ADAM22: variants seen among roughly 807,000 people sequenced by gnomAD.
ADAM22 encodes the protein ADAM metallopeptidase domain 22, also known as disintegrin and metalloproteinase domain-containing protein 22.
ADAM22 carries 65 observed loss-of-function variants against 144.6 expected under a neutral mutation model. That is an observed-to-expected ratio of 0.45 (90% CI 0.37 to 0.55). The LOEUF is 0.55. Among genes scored for constraint, ADAM22 ranks in the 20% least tolerant of loss-of-function variants. The pLI, the probability that ADAM22 is intolerant of heterozygous loss-of-function variation, is 0.00. For synonymous variants in ADAM22, 391 were observed against 412.6 expected, an observed-to-expected ratio of 0.95 and a Z score of 0.63; for missense variants, 974 against 1,184.9, an observed-to-expected ratio of 0.82 and a Z score of 2.61.
chr7:87,955,686 G>A (rs1360430129), intron 2 of ADAM22, among the ~76,000 whole-genome samples: 1 of 152,228 alleles, frequency 6.6e-6, no homozygotes, highest in Non-Finnish European at 1.5e-5. Flanking sequence ...ATTTAAGTCT[G>A]CAGAGGTTAC....
chr7:88,039,621 G>GTC (rs1554420752), intron 3 of ADAM22, among the ~76,000 whole-genome samples: 12 of 150,074 alleles, frequency 8.0e-5, no homozygotes, highest in Non-Finnish European at 1.8e-4. Context: ...ATGTGTGTGT[G>GTC]TGTGTGTCTG....
At position 88,062,534 on chromosome 7, in the gene ADAM22, A is replaced by G. The variant is rs111736665; in HGVS notation, c.324-13092A>G. On this transcript the variant is annotated intron_variant, in intron 3 of 31. Transcript: ENST00000413139. ...GGTTTGATCTTCTATCTAGACCACT[A>G]AAACTTTCTTCATATCAGCAATAAG... Among the ~76,000 whole-genome samples, 730 of 152,352 alleles carry G rather than the reference A, an allele frequency of 4.8e-3. 6 individuals are homozygous for G. The highest frequency in any genetic ancestry group is 0.017 in the African/African-American group (694 of 41,574).
chr7:87,943,099 A>G (rs924836927), intron 2 of ADAM22, among the ~76,000 whole-genome samples: 8 of 150,194 alleles, frequency 5.3e-5, no homozygotes, highest in Non-Finnish European at 7.4e-5. Context: ...AATAAGGATT[A>G]GTATTTATTA....
At chr7:88,136,110 A>G (rs889019838) in intron 14 of ADAM22, 79 bp downstream of exon 14, 4 of 1,281,634 alleles carry the variant, frequency 3.1e-6, no homozygotes, top group Admixed American at 2.0e-5. Context: ...ATGACACTCA[A>G]TAACTTAGTG....
intron 2 of ADAM22, among the ~76,000 whole-genome samples, chr7:87,969,905 T>C (rs1268342557): frequency 6.6e-6 from 1 of 152,202 alleles, no homozygotes; most frequent in Admixed American, 6.5e-5. Context: ...CTGTGGGTGT[T>C]ACTGAGATGG....
intron 3 of ADAM22, among the ~76,000 whole-genome samples, chr7:88,060,844 C>CT (rs1809633644): frequency 6.6e-6 from 1 of 151,952 alleles, no homozygotes; most frequent in African/African-American, 2.4e-5. Context: ...TGGCTCATGC[C>CT]TGTAATCCCA....
intron 2 of ADAM22, among the ~76,000 whole-genome samples, chr7:87,967,916 ACTGAATTTCTTTTT>A (rs909913691): frequency 1.3e-5 from 2 of 151,142 alleles, no homozygotes; most frequent in Admixed American, 1.3e-4. Context: ...AGACTATCTG[ACTGAATTTCTTTTT>A]CTTCCTTTTG....
chr7:88,182,068 T>G (rs368430361), intron 29 of ADAM22, 44 bp downstream of exon 29: 92 of 1,509,284 alleles, frequency 6.1e-5, no homozygotes, highest in Non-Finnish European at 7.9e-5. Flanking sequence ...CAAGGTCCTG[T>G]GCAAATAGTG....
At chr7:88,080,458 C>T (rs1009008250) in intron 4 of ADAM22, among the ~76,000 whole-genome samples, 1 of 152,086 alleles carries the variant, frequency 6.6e-6, no homozygotes, top group Non-Finnish European at 1.5e-5. Flanking sequence ...AGAGTAAACA[C>T]ATTCAAAAGC....
At position 87,974,509 on chromosome 7, in the gene ADAM22, T is replaced by G. The variant is rs141386132; in HGVS notation, c.247-3827T>G. On this transcript the variant is annotated intron_variant, in intron 2 of 31. Transcript: ENST00000413139. ...GAGAAGTCCTGTGTTTTGGGTTTGA[T>G]CCTTGAGGCCTCATGAGTTTCAGCC... Among the ~76,000 whole-genome samples the G allele has an allele frequency of 2.5e-3, 377 of 152,222 alleles. 1 individual carries two copies. Among genetic ancestry groups the G allele is most frequent in the African/African-American group, 8.7e-3 (360 of 41,538 alleles).
At chr7:88,162,080 A>C (rs952132440) in intron 22 of ADAM22, among the ~76,000 whole-genome samples, 1 of 142,848 alleles carries the variant, frequency 7.0e-6, no homozygotes, top group Admixed American at 7.4e-5. Context: ...GGCAGACTGG[A>C]TAAAGAAAAT....
intron 2 of ADAM22, among the ~76,000 whole-genome samples, chr7:87,972,064 T>C (rs1219559956): frequency 6.6e-6 from 1 of 152,054 alleles, no homozygotes; most frequent in Non-Finnish European, 1.5e-5. Flanking sequence ...TTCAACATAG[T>C]GTTGGAAGTT....
At chr7:88,020,136 T>C (rs1484211642) in intron 3 of ADAM22, among the ~76,000 whole-genome samples, 1 of 152,152 alleles carries the variant, frequency 6.6e-6, no homozygotes, top group Non-Finnish European at 1.5e-5. Context: ...TGCATTCTCA[T>C]GAATATTGGT....
chr7:88,049,249 G>A (rs1805520109), intron 3 of ADAM22, among the ~76,000 whole-genome samples: 1 of 152,156 alleles, frequency 6.6e-6, no homozygotes, highest in Admixed American at 6.5e-5. Flanking sequence ...TGTAAAATGG[G>A]GAGTTAGAAT....
intron 4 of ADAM22, among the ~76,000 whole-genome samples, chr7:88,089,204 TTA>T (rs1819200776): frequency 1.3e-5 from 2 of 152,118 alleles, no homozygotes; most frequent in Non-Finnish European, 2.9e-5. Context: ...TAAAACTGCA[TTA>T]CCATACAGAA....
chr7:88,083,951 T>C (rs1817707357), intron 4 of ADAM22, among the ~76,000 whole-genome samples: 1 of 152,176 alleles, frequency 6.6e-6, no homozygotes. Context: ...TCCAGGTCCT[T>C]TTATTCCCAT....
In ADAM22 at chr7:88,038,163, TAA is replaced by T. The variant is rs879366233; in HGVS notation, c.324-37462_324-37461del. 4.2e-3 allele frequency among the ~76,000 whole-genome samples: 635 copies of T among 152,330 alleles called. 4 individuals carry two copies. The highest frequency in any genetic ancestry group is 5.3e-3 in the Non-Finnish European group (361 of 68,036). ...GCATTCTCCATGTCCTGTGGATAGA[TAA>T]GTATACTCCATCTATTCTATGGGAG... On this transcript the variant is annotated intron_variant, in intron 3 of 31. Transcript: ENST00000413139.
chr7:88,106,062 C>T (rs1174175729), intron 4 of ADAM22, among the ~76,000 whole-genome samples: 4 of 151,914 alleles, frequency 2.6e-5, no homozygotes, highest in East Asian at 3.9e-4. Context: ...TAAGGGAAGG[C>T]GCCAATAGCT....
At chr7:88,085,714 AAGCTCGGCC>A (rs1818263428) in intron 4 of ADAM22, among the ~76,000 whole-genome samples, 1 of 152,220 alleles carries the variant, frequency 6.6e-6, no homozygotes, top group African/African-American at 2.4e-5. Flanking sequence ...TCAAGAAATA[AAGCTCGGCC>A]AGCTGTTTAT....
Sources: gnomAD v4.1 joint callset for allele counts (sites outside exome capture counted in the v4.1 genomes callset) on GRCh38, gnomAD v4.1.1 for gene constraint, MANE v1.5 for transcripts, NCBI Gene and HGNC (gene_info 2026-07-23, HGNC 2026-07-21) for gene names.